KIAA1671: variants seen among roughly 807,000 people sequenced by gnomAD.
KIAA1671 encodes the protein KIAA1671.
KIAA1671 carries 52 observed loss-of-function variants against 131.2 expected under a neutral mutation model. The ratio of observed to expected loss-of-function variants is 0.40; its 90% CI spans 0.32 to 0.50. The LOEUF (loss-of-function observed/expected upper bound fraction) is 0.50. Ranked by LOEUF, KIAA1671 falls within the 20% of genes least tolerant of loss-of-function variation. The pLI is 0.73. For synonymous variants in KIAA1671, 1,003 were observed against 961.6 expected (o/e 1.04, Z -0.80); for missense variants, 2,360 against 2,364.2 (o/e 1.00, Z 0.04).
At chr22:25,085,295 G>T (rs958850061) in intron 6 of KIAA1671, among the ~76,000 whole-genome samples, 6 of 152,210 alleles carry the variant, frequency 3.9e-5, no homozygotes, top group African/African-American at 1.2e-4. Context: ...AGGAGCCAAG[G>T]GGAACCAACA....
At chr22:24,992,613 G>A (rs567942895) in intron 1 of KIAA1671, among the ~76,000 whole-genome samples, 9 of 151,888 alleles carry the variant, frequency 5.9e-5, no homozygotes, top group African/African-American at 1.7e-4. Flanking sequence ...TCAGGAGTTC[G>A]AGACCAGCTT....
At chr22:25,190,127 ATAAT>A (rs1464123898) in intron 11 of KIAA1671, among the ~76,000 whole-genome samples, 1 of 152,144 alleles carries the variant, frequency 6.6e-6, no homozygotes, top group Non-Finnish European at 1.5e-5. Context: ...TTAGAATGAA[ATAAT>A]TCTACAACTC....
chr22:25,095,389 C>T (rs908544925), intron 6 of KIAA1671, among the ~76,000 whole-genome samples: 70 of 152,174 alleles, frequency 4.6e-4, no homozygotes, highest in African/African-American at 1.6e-3. Context: ...CTGTGGCTCA[C>T]GCCTGTAATC....
At chr22:24,987,912 C>A (rs1923638009) in intron 1 of KIAA1671, among the ~76,000 whole-genome samples, 1 of 152,182 alleles carries the variant, frequency 6.6e-6, no homozygotes, top group African/African-American at 2.4e-5. Context: ...TCATGTCTGC[C>A]TTCTCTCCAC....
In KIAA1671 at chr22:25,177,622, T is replaced by A. The variant is rs528843641; in HGVS notation, c.5074+100T>A. On this transcript the variant is annotated intron_variant, in intron 9 of 12. Transcript: ENST00000358431. The stretch of plus-strand genomic sequence containing the variant: ...AATTCCTGACTTGGAAGGCTGTAGA[T>A]CATTAGAACACAATTACATAGGAAA... 181 of 1,004,220 alleles carry A rather than the reference T, an allele frequency of 1.8e-4. 2 individuals carry two copies. Among genetic ancestry groups the A allele is most frequent in the Middle Eastern group, 4.2e-4 (2 of 4,732 alleles). 62.2% of individuals were successfully genotyped at this position (1,004,220 alleles called of 1,614,324 possible). A position where few individuals can be genotyped will look rare whatever the true frequency, so the allele number is the denominator to read the frequency against.
intron 1 of KIAA1671, chr22:25,011,720 C>G (rs1925053965): frequency 6.7e-6 from 1 of 148,606 alleles, no homozygotes; most frequent in South Asian, 2.1e-4. Context: ...TCACTGCGAC[C>G]TCCGCCTCCT....
intron 6 of KIAA1671, among the ~76,000 whole-genome samples, chr22:25,068,843 C>T (rs556273470): frequency 1.6e-3 from 247 of 152,334 alleles, no homozygotes; most frequent in African/African-American, 5.5e-3. Flanking sequence ...CTGGGGCAGT[C>T]AGTGTGCCAA....
At chr22:25,101,913 G>A (rs1266152032) in intron 6 of KIAA1671, among the ~76,000 whole-genome samples, 1 of 152,214 alleles carries the variant, frequency 6.6e-6, no homozygotes, top group Non-Finnish European at 1.5e-5. Flanking sequence ...TGATTCGGTA[G>A]GGGTTACATA....
chr22:25,045,529 GAT>G (rs1390441714), intron 5 of KIAA1671, among the ~76,000 whole-genome samples: 1 of 152,224 alleles, frequency 6.6e-6, no homozygotes, highest in Non-Finnish European at 1.5e-5. Context: ...CATAGACTTA[GAT>G]ATAGGTAAAT....
chr22:25,109,499 T>A (rs1931222901), intron 6 of KIAA1671, among the ~76,000 whole-genome samples: 1 of 152,158 alleles, frequency 6.6e-6, no homozygotes, highest in African/African-American at 2.4e-5. Flanking sequence ...TGATTCGTTG[T>A]GGGAGGGGAC....
intron 1 of KIAA1671, among the ~76,000 whole-genome samples, chr22:24,960,861 C>G (rs1273793096): frequency 5.9e-5 from 9 of 152,024 alleles, no homozygotes; most frequent in African/African-American, 2.2e-4. Context: ...CACAGCTGTG[C>G]GAGAGACAGC....
intron 6 of KIAA1671, among the ~76,000 whole-genome samples, chr22:25,125,872 T>G (rs975697838): frequency 1.3e-5 from 2 of 152,216 alleles, no homozygotes; most frequent in African/African-American, 4.8e-5. Flanking sequence ...AAAGTATTAG[T>G]AGTAGGCCTT....
chr22:24,993,147 T>C (rs1923937323), intron 1 of KIAA1671, among the ~76,000 whole-genome samples: 1 of 152,020 alleles, frequency 6.6e-6, no homozygotes, highest in Non-Finnish European at 1.5e-5. Flanking sequence ...GATGCTGACA[T>C]GTGAGATGCT....
intron 1 of KIAA1671, chr22:25,010,596 C>A (rs1014620313): frequency 2.0e-5 from 3 of 152,148 alleles, no homozygotes; most frequent in African/African-American, 7.2e-5. Flanking sequence ...GTATCATTGA[C>A]CTTACTCGTA....
intron 6 of KIAA1671, chr22:25,058,108 G>C (rs1328102554): frequency 6.6e-6 from 1 of 152,136 alleles, no homozygotes; most frequent in African/African-American, 2.4e-5. Context: ...ACTCACTCAG[G>C]GAGATTTTCA....
intron 6 of KIAA1671, among the ~76,000 whole-genome samples, chr22:25,114,563 C>T (rs935630872): frequency 3.3e-5 from 5 of 152,246 alleles, no homozygotes; most frequent in Admixed American, 1.3e-4. Context: ...TGATCTTGGA[C>T]AGACTCCTTC....
At chr22:25,181,285 G>C (rs962704770) in intron 9 of KIAA1671, among the ~76,000 whole-genome samples, 1 of 152,176 alleles carries the variant, frequency 6.6e-6, no homozygotes, top group African/African-American at 2.4e-5. Context: ...CCACCTTTGG[G>C]CCGCCTTTCC....
At chr22:25,112,422 C>T (rs1931413553) in intron 6 of KIAA1671, 1 of 398,950 alleles carries the variant, frequency 2.5e-6, no homozygotes, top group African/African-American at 2.1e-5. Context: ...AGATTTTCTT[C>T]ACTGAGGAAA....
intron 4 of KIAA1671, among the ~76,000 whole-genome samples, chr22:25,034,706 C>T (rs1926492419): frequency 6.6e-6 from 1 of 151,890 alleles, no homozygotes; most frequent in Non-Finnish European, 1.5e-5. Flanking sequence ...TATTTCTTTT[C>T]TTTTCTTTTT....
Sources: gnomAD v4.1 joint callset for allele counts (sites outside exome capture counted in the v4.1 genomes callset) on GRCh38, gnomAD v4.1.1 for gene constraint, MANE v1.5 for transcripts, NCBI Gene and HGNC (gene_info 2026-07-23, HGNC 2026-07-21) for gene names.